The following CAMTA1 variants were observed in gnomAD, a reference collection of about 807,000 sequenced individuals.
CAMTA1 encodes the protein calmodulin-binding transcription activator 1.
In CAMTA1, 27 loss-of-function variants were observed where a neutral mutation model predicts 170.9. The observed-to-expected ratio is 0.16, with a 90% CI of 0.12 to 0.22. The LOEUF (loss-of-function observed/expected upper bound fraction) is 0.22. CAMTA1 is among the 10% of genes least tolerant of loss of function. The probability of loss-of-function intolerance (pLI) is 1.00; values close to 1 mark genes in which losing one functional copy is unlikely to be tolerated. For synonymous variants in CAMTA1, 833 were observed against 891.5 expected (o/e 0.93, Z 1.17); for missense variants, 1,619 against 2,217.2 (o/e 0.73, Z 5.42).
intron 1 of CAMTA1, among the ~76,000 whole-genome samples, chr1:6,795,054 T>C (rs1234871993): frequency 6.6e-6 from 1 of 152,166 alleles, no homozygotes; most frequent in Non-Finnish European, 1.5e-5. Context: ...CTAGCTGTAT[T>C]ATGCACTCAT....
chr1:6,945,364 T>G lies in CAMTA1; in HGVS notation c.234+120154T>G, dbSNP rs187785596. ...ATTTTAATTTTTTAACTAATTTTTT[T>G]TGTGTGTGTGTGACAGGGTCTCACT... On this transcript the variant is annotated intron_variant, in intron 3 of 22. Transcript: ENST00000303635. Among the ~76,000 whole-genome samples the G allele has an allele frequency of 6.2e-4, 94 of 152,060 alleles. 1 individual carries two copies. Among genetic ancestry groups the G allele is most frequent in the South Asian group, 3.1e-3 (15 of 4,806 alleles).
intron 3 of CAMTA1, among the ~76,000 whole-genome samples, chr1:6,995,631 G>A (rs1697140779): frequency 1.3e-5 from 2 of 152,006 alleles, no homozygotes; most frequent in African/African-American, 4.8e-5. Flanking sequence ...TTTCAACATC[G>A]TTTTAAAATA....
At chr1:7,605,830 C>T (rs1232961840) in intron 6 of CAMTA1, among the ~76,000 whole-genome samples, 1 of 152,188 alleles carries the variant, frequency 6.6e-6, no homozygotes, top group African/African-American at 2.4e-5. Context: ...TGGCTCCACC[C>T]CCCAATTTAA....
chr1:7,390,108 C>T (rs1445752106), intron 5 of CAMTA1, among the ~76,000 whole-genome samples: 10 of 152,176 alleles, frequency 6.6e-5, no homozygotes, highest in Non-Finnish European at 1.5e-4. Context: ...CGGGCGACGG[C>T]GCAGGGCTGG....
chr1:7,222,631 C>T (rs1660994193), intron 4 of CAMTA1, among the ~76,000 whole-genome samples: 1 of 152,142 alleles, frequency 6.6e-6, no homozygotes, highest in African/African-American at 2.4e-5. Context: ...TTCCAAGGGG[C>T]CCAGCCACCA....
At chr1:7,758,934 C>CAAA (rs34490247) in intron 22 of CAMTA1, among the ~76,000 whole-genome samples, 4 of 78,976 alleles carry the variant, frequency 5.1e-5, no homozygotes, top group Admixed American at 3.9e-4. Flanking sequence ...GACTCTGTCT[C>CAAA]AAAAAAAAAA....
intron 5 of CAMTA1, among the ~76,000 whole-genome samples, chr1:7,296,025 A>G (rs1673885342): frequency 6.6e-6 from 1 of 152,196 alleles, no homozygotes; most frequent in Admixed American, 6.5e-5. Context: ...TCTAAACTCG[A>G]TCATGGGGTT....
In CAMTA1 at chr1:7,674,616, TAAAA is replaced by T. The variant is rs756502578; in HGVS notation, c.2780-2981_2780-2978del. Among the ~76,000 whole-genome samples the T allele has an allele frequency of 2.2e-4, 34 of 151,952 alleles. No individual in the cohort carries two copies. The highest frequency in any genetic ancestry group is 1.3e-4 in the Admixed American group (2 of 15,252). ...CGACATGGTGAAACCCCGTCTCTACTAAAAATACAAAAATTAGCTGGGCGTGGTG... is the reference window on the plus strand; with the variant it reads ...CGACATGGTGAAACCCCGTCTCTACTATACAAAAATTAGCTGGGCGTGGTG... On this transcript the variant is annotated intron_variant, in intron 10 of 22. Transcript: ENST00000303635. This position sits in a 1 kb window ranked among gnomAD's most constrained non-coding sequence, Gnocchi z 4.1.
At chr1:6,806,238 T>C (rs1471335296) in intron 1 of CAMTA1, among the ~76,000 whole-genome samples, 1 of 152,236 alleles carries the variant, frequency 6.6e-6, no homozygotes, top group Non-Finnish European at 1.5e-5. Context: ...CTTTGTGCCA[T>C]TACCACAATG....
In CAMTA1 at chr1:6,934,153, C is replaced by T. The variant is rs531057035; in HGVS notation, c.234+108943C>T. ...CTGAGGGGCCAGCGCCCGTGGTCGG[C>T]AGAAGGGGAGGTTATTGGTATTTAA... On this transcript the variant is annotated intron_variant, in intron 3 of 22. Coordinates refer to ENST00000303635, the MANE Select transcript of CAMTA1 (RefSeq NM_015215.4). The surrounding 1 kb of genome is among the most constrained non-coding windows in gnomAD (Gnocchi z 4.5). 2.0e-5 allele frequency among the ~76,000 whole-genome samples: 3 copies of T among 152,252 alleles called. No homozygotes were observed. The highest frequency in any genetic ancestry group is 7.2e-5 in the African/African-American group (3 of 41,552).
intron 4 of CAMTA1, among the ~76,000 whole-genome samples, chr1:7,133,955 G>A (rs1645404252): frequency 1.3e-5 from 2 of 152,148 alleles, no homozygotes; most frequent in African/African-American, 2.4e-5. Flanking sequence ...TTGTTACATG[G>A]GTGTATTGTG....
At chr1:7,076,566 A>G (rs1161933491) in intron 3 of CAMTA1, among the ~76,000 whole-genome samples, 2 of 152,194 alleles carry the variant, frequency 1.3e-5, no homozygotes, top group African/African-American at 4.8e-5. Context: ...TAAAGGGAAG[A>G]CTGATATAGA....
intron 12 of CAMTA1, among the ~76,000 whole-genome samples, chr1:7,734,247 G>A (rs373179295): frequency 1.1e-4 from 16 of 152,232 alleles, no homozygotes; most frequent in South Asian, 1.0e-3. Context: ...GTGCCCGGCC[G>A]ATAGTACTAA....
At chr1:7,474,634 C>G (rs2093390463) in intron 6 of CAMTA1, among the ~76,000 whole-genome samples, 1 of 152,214 alleles carries the variant, frequency 6.6e-6, no homozygotes, top group Non-Finnish European at 1.5e-5. Context: ...CTAGGCTGAG[C>G]CAGCCCCTCC....
intron 5 of CAMTA1, among the ~76,000 whole-genome samples, chr1:7,398,518 G>A (rs2089623866): frequency 6.6e-6 from 1 of 151,676 alleles, no homozygotes; most frequent in South Asian, 2.1e-4. Context: ...TGAATCTCTT[G>A]TAGGCAGCAC....
At chr1:7,689,598 G>C (rs537676527) in intron 11 of CAMTA1, among the ~76,000 whole-genome samples, 1 of 152,068 alleles carries the variant, frequency 6.6e-6, no homozygotes, top group African/African-American at 2.4e-5. Context: ...AAAAATCAGT[G>C]GCAGAGGGAA....
In CAMTA1 at chr1:7,737,244, C is replaced by G. The variant is rs374606750; in HGVS notation, c.3343-11C>G. On this transcript the variant is annotated splice_polypyrimidine_tract_variant and intron_variant, in intron 14 of 22. Coordinates refer to ENST00000303635, the MANE Select transcript of CAMTA1 (RefSeq NM_015215.4). Reference sequence around the variant, plus strand: ...GATTGAGAACGCTTGCTGTGTCTCCCTGTCTTCTAGATGTGGGCGTGTGCC... The same window carrying G: ...GATTGAGAACGCTTGCTGTGTCTCCGTGTCTTCTAGATGTGGGCGTGTGCC... 9 of 1,609,226 alleles carry G rather than the reference C, an allele frequency of 5.6e-6. No homozygotes were observed. The highest frequency in any genetic ancestry group is 7.6e-6 in the Non-Finnish European group (9 of 1,177,106).
chr1:6,840,324 A>G (rs1484863860), intron 3 of CAMTA1, among the ~76,000 whole-genome samples: 1 of 152,192 alleles, frequency 6.6e-6, no homozygotes, highest in Non-Finnish European at 1.5e-5. Context: ...ACTGTGTGGC[A>G]GTCAGGGGAA....
chr1:7,302,243 G>A (rs1674878990), intron 5 of CAMTA1, among the ~76,000 whole-genome samples: 1 of 152,078 alleles, frequency 6.6e-6, no homozygotes, highest in Non-Finnish European at 1.5e-5. Context: ...GGGCTTCTGT[G>A]CATCTGCCCA....
Sources: allele counts gnomAD v4.1 joint callset (sites outside exome capture counted in the v4.1 genomes callset), GRCh38; gene constraint gnomAD v4.1.1; non-coding constraint Gnocchi (gnomAD v3.1); transcripts MANE v1.5; gene names NCBI Gene and HGNC (gene_info 2026-07-23, HGNC 2026-07-21).